Variants in SPAG17 observed in about 807,000 individuals in gnomAD.
SPAG17 encodes the protein sperm-associated antigen 17.
In SPAG17, 169 loss-of-function variants were observed where a neutral mutation model predicts 273.6. The observed-to-expected ratio is 0.62, with a 90% CI of 0.55 to 0.70. SPAG17 has a LOEUF of 0.70. Ranked by LOEUF, SPAG17 falls within the 30% of genes least tolerant of loss-of-function variation. The pLI is 0.00. For synonymous variants in SPAG17, 825 were observed against 873.2 expected, an observed-to-expected ratio of 0.94 and a Z score of 0.97; for missense variants, 2,557 against 2,627.8, an observed-to-expected ratio of 0.97 and a Z score of 0.59.
At chr1:118,056,562 T>C (rs1651695231) in intron 18 of SPAG17, among the ~76,000 whole-genome samples, 1 of 152,226 alleles carries the variant, frequency 6.6e-6, no homozygotes, top group African/African-American at 2.4e-5. Context: ...AAATATTATA[T>C]ACACTTATAT....
At chr1:118,123,063 A>G (rs1382107905) in intron 3 of SPAG17, among the ~76,000 whole-genome samples, 1 of 152,208 alleles carries the variant, frequency 6.6e-6, no homozygotes, top group Admixed American at 6.5e-5. Context: ...ATTTTGGTGC[A>G]GTGTATAATG....
intron 48 of SPAG17, chr1:117,955,428 G>A: frequency 7.4e-7 from 1 of 1,355,394 alleles, no homozygotes; most frequent in Non-Finnish European, 1.0e-6. Context: ...ATCTGAACGG[G>A]AAATAAATAG....
chr1:118,000,611 T>G (rs1179401434), intron 32 of SPAG17, among the ~76,000 whole-genome samples: 1 of 152,222 alleles, frequency 6.6e-6, no homozygotes, highest in Non-Finnish European at 1.5e-5. Context: ...CACTCACGTT[T>G]GGCTCTCCGC....
intron 43 of SPAG17, among the ~76,000 whole-genome samples, chr1:117,975,363 T>C (rs1252928980): frequency 1.3e-5 from 2 of 152,232 alleles, no homozygotes; most frequent in Non-Finnish European, 2.9e-5. Context: ...ATTTCCTTTT[T>C]TGTTGTTGTT....
intron 15 of SPAG17, among the ~76,000 whole-genome samples, chr1:118,078,788 TAC>T (rs757873452): frequency 2.6e-5 from 4 of 152,214 alleles, no homozygotes; most frequent in East Asian, 3.9e-4. Context: ...CATAAATTGC[TAC>T]AGAGTTATAC....
chr1:117,958,928 C>G, intron 48 of SPAG17: 2 of 1,613,812 alleles, frequency 1.2e-6, no homozygotes, highest in Non-Finnish European at 1.7e-6. Flanking sequence ...TTGGACAGAT[C>G]ACTAGCAATC....
At chr1:118,064,177 G>T (rs1160858153) in intron 18 of SPAG17, among the ~76,000 whole-genome samples, 1 of 152,152 alleles carries the variant, frequency 6.6e-6, no homozygotes. Flanking sequence ...AGTCAGTGTG[G>T]CGATTCCTCA....
chr1:117,964,600 T>C (rs971913804), intron 47 of SPAG17: 1 of 152,108 alleles, frequency 6.6e-6, no homozygotes, highest in Non-Finnish European at 1.5e-5. Context: ...GGAGAGAGAC[T>C]TTCCCAGTGA....
chr1:118,164,634 C>A (rs952632018), intron 1 of SPAG17, among the ~76,000 whole-genome samples: 3 of 152,216 alleles, frequency 2.0e-5, no homozygotes, highest in Non-Finnish European at 2.9e-5. Context: ...CAGCTACTCT[C>A]ATCTCCAATC....
rs572441105 is a variant in SPAG17, at chr1:117,997,107, C to T, written c.4777-364G>A. Among the ~76,000 whole-genome samples the T allele has an allele frequency of 5.9e-5, 9 of 152,106 alleles. No individual in the cohort carries two copies. In the South Asian group the frequency reaches 1.7e-3, roughly 28 times the overall value. ...AGTTGTCTTGAATTATTTGCAAGGA[C>T]CTTTGAATGGAAGGGGCTTATAATC... On this transcript the variant is annotated intron_variant, in intron 32 of 48. Transcript: ENST00000336338.
intron 1 of SPAG17, among the ~76,000 whole-genome samples, chr1:118,157,982 A>G (rs1167207580): frequency 2.0e-5 from 3 of 152,200 alleles, no homozygotes; most frequent in African/African-American, 7.2e-5. Flanking sequence ...CAGGGAAAAA[A>G]AATCAATCAG....
chr1:117,988,132 C>A lies in SPAG17; in HGVS notation c.5594G>T (p.Gly1865Val). The change falls in exon 39 of 49, where the codon GGT becomes GTT. Residue 1865 changes from glycine (G) to valine (V), a missense_variant. By Grantham distance (109) the Gly-to-Val change is moderately radical. Coordinates refer to ENST00000336338, the MANE Select transcript of SPAG17 (RefSeq NM_206996.4). ...TPPKCPPDTFGKDFFEKTWRH... is the reference protein window; with the variant it reads ...TPPKCPPDTFVKDFFEKTWRH... ...CCATGTCTTTTCAAAGAAATCTTTA[C>A]CAAATGTGTCTGGTGGGCATTTTGG... 2 of 1,607,214 alleles carry A rather than the reference C, an allele frequency of 1.2e-6. No homozygotes were observed. The highest frequency in any genetic ancestry group is 8.5e-7 in the Non-Finnish European group (1 of 1,178,042).
At position 118,074,578 on chromosome 1, in the gene SPAG17, G is replaced by A; in HGVS notation, c.2232C>T (p.Ile744=). The A allele has an allele frequency of 6.2e-7, 1 of 1,613,560 alleles. No individual in the cohort carries two copies. Residue 744 remains isoleucine (I), a synonymous_variant, in exon 16 of 49, where the codon ATC becomes ATT. Coordinates refer to ENST00000336338, the MANE Select transcript of SPAG17 (RefSeq NM_206996.4). ...ESLEQTTNNE[I]KDDAVTKADS... Reference sequence around the variant, plus strand: ...CAGCCTTTGTGACTGCATCATCTTTGATCTCATTGTTTGTGGTCTGCTCTG... The same window carrying A: ...CAGCCTTTGTGACTGCATCATCTTTAATCTCATTGTTTGTGGTCTGCTCTG...
intron 48 of SPAG17, chr1:117,959,311 T>C: frequency 6.2e-7 from 1 of 1,612,470 alleles, no homozygotes; most frequent in Non-Finnish European, 8.5e-7. Context: ...GGCTTCAATA[T>C]GGCTGGTCTT....
intron 1 of SPAG17, among the ~76,000 whole-genome samples, chr1:118,183,129 A>G (rs553877851): frequency 3.3e-5 from 5 of 152,274 alleles, no homozygotes; most frequent in African/African-American, 1.2e-4. Flanking sequence ...TGTTTATGGA[A>G]GACTGGAGGA....
chr1:117,989,607 G>T (rs894808775), intron 38 of SPAG17, among the ~76,000 whole-genome samples: 17 of 152,026 alleles, frequency 1.1e-4, no homozygotes, highest in African/African-American at 3.9e-4. Context: ...ACAGGGTCTT[G>T]CTCTGTTGCA....
chr1:118,180,087 A>T (rs1327588993), intron 1 of SPAG17, among the ~76,000 whole-genome samples: 3 of 152,022 alleles, frequency 2.0e-5, no homozygotes, highest in Non-Finnish European at 2.9e-5. Flanking sequence ...CAGTTCTGCT[A>T]CTTGGTATAT....
chr1:118,098,425 C>G (rs1332759273), intron 6 of SPAG17, among the ~76,000 whole-genome samples: 1 of 151,896 alleles, frequency 6.6e-6, no homozygotes, highest in Non-Finnish European at 1.5e-5. Flanking sequence ...AATATTTATG[C>G]TTATTACATC....
chr1:118,136,801 ATGTGTGTGTGTGTGTG>A (rs5777337), intron 3 of SPAG17, among the ~76,000 whole-genome samples: 10 of 147,146 alleles, frequency 6.8e-5, no homozygotes, highest in African/African-American at 1.8e-4. Context: ...GTGTGTGTGT[ATGTGTGTGTGTGTGTG>A]TGTGTGTGTG....
Sources: gnomAD v4.1 joint callset for allele counts (sites outside exome capture counted in the v4.1 genomes callset) on GRCh38, gnomAD v4.1.1 for gene constraint, MANE v1.5 for transcripts, NCBI Gene and HGNC (gene_info 2026-07-23, HGNC 2026-07-21) for gene names.